GALNT2: variants seen among roughly 807,000 people sequenced by gnomAD.
GALNT2 encodes polypeptide N-acetylgalactosaminyltransferase 2.
GALNT2 carries 31 observed loss-of-function variants against 81.4 expected under a neutral mutation model. The observed-to-expected ratio is 0.38, with a 90% CI of 0.29 to 0.51. The LOEUF (loss-of-function observed/expected upper bound fraction) is 0.51. Among genes scored for constraint, GALNT2 ranks in the 20% least tolerant of loss-of-function variants. GALNT2 has a pLI of 0.87. For synonymous variants in GALNT2, 303 were observed against 287.4 expected, an observed-to-expected ratio of 1.05 and a Z score of -0.55; for missense variants, 629 against 765.7, an observed-to-expected ratio of 0.82 and a Z score of 2.11.
intron 1 of GALNT2, among the ~76,000 whole-genome samples, chr1:230,074,686 G>T (rs549208656): frequency 2.2e-4 from 33 of 152,210 alleles, no homozygotes; most frequent in African/African-American, 7.7e-4. Flanking sequence ...CTGTGGGGAG[G>T]GCTAATATAT....
rs545603618 is a variant in GALNT2 at position 230,167,201 on chromosome 1, G to A, written c.127-11017G>A. Among the ~76,000 whole-genome samples the A allele has an allele frequency of 3.8e-4, 57 of 151,936 alleles. 1 individual carries two copies. Among genetic ancestry groups the A allele is most frequent in the Admixed American group, 2.6e-3 (39 of 15,268 alleles). The stretch of plus-strand genomic sequence containing the variant: ...TACTCTGTTGCCCAGGCTGGAGTGC[G>A]ATGATGCGATCCTGGCTCACTGCAG... On this transcript the variant is annotated intron_variant, in intron 1 of 15. Transcript: ENST00000366672.
intron 3 of GALNT2, among the ~76,000 whole-genome samples, chr1:230,214,143 G>C (rs1200874668): frequency 6.8e-6 from 1 of 147,490 alleles, no homozygotes; most frequent in African/African-American, 2.6e-5. Context: ...ACGGAGTCTC[G>C]CTCATGTTGC....
intron 10 of GALNT2, among the ~76,000 whole-genome samples, chr1:230,253,481 A>C (rs1665613532): frequency 6.6e-6 from 1 of 152,204 alleles, no homozygotes; most frequent in Non-Finnish European, 1.5e-5. Flanking sequence ...ATTTCTGATC[A>C]ATCTGCATTG....
Position 230,236,646 on chromosome 1 carries a change from T to G in GALNT2, c.542-14T>G. 10 of 1,607,390 alleles carry G rather than the reference T, an allele frequency of 6.2e-6. No individual in the cohort carries two copies. The highest frequency in any genetic ancestry group is 8.5e-6 in the Non-Finnish European group (10 of 1,178,306). On this transcript the variant is annotated splice_polypyrimidine_tract_variant and intron_variant, in intron 5 of 15. Coordinates refer to ENST00000366672, the MANE Select transcript of GALNT2 (RefSeq NM_004481.5). ...CTCCAGGTTCAAAATGCTCTGCTTC[T>G]TTTCTTTTCCTAGCTGAGGACGGGG...
chr1:230,098,159 G>A (rs1660303278), intron 1 of GALNT2, among the ~76,000 whole-genome samples: 1 of 152,144 alleles, frequency 6.6e-6, no homozygotes, highest in African/African-American at 2.4e-5. Context: ...GGGTTTATGA[G>A]GTTTGAAGAC....
intron 3 of GALNT2, among the ~76,000 whole-genome samples, chr1:230,208,813 C>T (rs949200866): frequency 6.6e-6 from 1 of 152,144 alleles, no homozygotes; most frequent in Non-Finnish European, 1.5e-5. Context: ...CAGTGGTTCT[C>T]AGCCTTGAGC....
At chr1:230,274,355 C>G (rs1572164556) in intron 14 of GALNT2, 90 bp from the exon 15 acceptor site, 3 of 1,518,316 alleles carry the variant, frequency 2.0e-6, no homozygotes, top group Non-Finnish European at 2.7e-6. Flanking sequence ...CCCCGTGACC[C>G]ATTTCCTTTT....
intron 2 of GALNT2, among the ~76,000 whole-genome samples, chr1:230,180,860 A>G (rs1390329390): frequency 6.6e-6 from 1 of 152,002 alleles, no homozygotes; most frequent in Non-Finnish European, 1.5e-5. Context: ...TCATTTTGGG[A>G]GTTTCTAATG....
intron 1 of GALNT2, among the ~76,000 whole-genome samples, chr1:230,165,490 A>G (rs1662574300): frequency 6.6e-6 from 1 of 152,244 alleles, no homozygotes; most frequent in Non-Finnish European, 1.5e-5. Flanking sequence ...AAATTTACAG[A>G]AGTGAGATTT....
intron 1 of GALNT2, among the ~76,000 whole-genome samples, 187 bp from the exon 2 acceptor site, chr1:230,178,031 C>T (rs1558125905): frequency 6.6e-6 from 1 of 152,176 alleles, no homozygotes; most frequent in African/African-American, 2.4e-5. Context: ...ATACTTTTCT[C>T]CCCTTGCATC....
chr1:230,139,798 A>G (rs144176096), intron 1 of GALNT2, among the ~76,000 whole-genome samples: 1 of 152,252 alleles, frequency 6.6e-6, no homozygotes, highest in Non-Finnish European at 1.5e-5. Context: ...GTTCCCACCT[A>G]TGAAGATTAC....
In GALNT2 at chr1:230,243,173, A is replaced by T. The variant is rs1195376084; in HGVS notation, c.608-133A>T. On this transcript the variant is annotated intron_variant, in intron 6 of 15. Transcript: ENST00000366672. The surrounding 1 kb of genome is among the most constrained non-coding windows in gnomAD (Gnocchi z 4.2). ...TGGAGCAGTTTTGATCTCATCCAGCAAGTTTACAGTAATGTCCGTGCCCAG... is the reference window on the plus strand; with the variant it reads ...TGGAGCAGTTTTGATCTCATCCAGCTAGTTTACAGTAATGTCCGTGCCCAG... 1 of 1,177,170 alleles carries T rather than the reference A, an allele frequency of 8.5e-7. No homozygotes were observed. Among genetic ancestry groups the T allele is most frequent in the African/African-American group, 1.6e-5 (1 of 64,074 alleles). 72.9% of individuals were successfully genotyped at this position (1,177,170 alleles called of 1,614,324 possible).
rs1039072337 is a variant in GALNT2 at position 230,275,486 on chromosome 1, CAT to C, written c.1560+926_1560+927del. ...TATATACAAACACCACATATATATA[CAT>C]ATACACACACACACCACAGATACAT... On this transcript the variant is annotated intron_variant, in intron 15 of 15. Coordinates refer to ENST00000366672, the MANE Select transcript of GALNT2 (RefSeq NM_004481.5). This position sits in a 1 kb window ranked among gnomAD's most constrained non-coding sequence, Gnocchi z 5.5. Among the ~76,000 whole-genome samples the C allele has an allele frequency of 1.2e-4, 18 of 150,980 alleles. No individual in the cohort carries two copies. The highest frequency in any genetic ancestry group is 3.4e-4 in the African/African-American group (14 of 41,112).
chr1:230,096,161 A>T (rs1433630365), intron 1 of GALNT2, among the ~76,000 whole-genome samples: 2 of 152,172 alleles, frequency 1.3e-5, no homozygotes, highest in African/African-American at 4.8e-5. Flanking sequence ...GAGAGGACGC[A>T]TACCTCAGCC....
In GALNT2 at chr1:230,164,825, T is replaced by C. The variant is rs576800189; in HGVS notation, c.127-13393T>C. Among the ~76,000 whole-genome samples, 32 of 152,280 alleles carry C rather than the reference T, an allele frequency of 2.1e-4. No individual in the cohort carries two copies. In the South Asian group the frequency reaches 6.2e-3, roughly 30 times the overall value. ...GATTACAGGTGTGAGCCAGCACGCCTGGCCTCTCAGCCCTCTTTCTAATTC... is the reference window on the plus strand; with the variant it reads ...GATTACAGGTGTGAGCCAGCACGCCCGGCCTCTCAGCCCTCTTTCTAATTC... On this transcript the variant is annotated intron_variant, in intron 1 of 15. Transcript: ENST00000366672.
intron 1 of GALNT2, among the ~76,000 whole-genome samples, chr1:230,126,686 A>C (rs1661193881): frequency 6.6e-6 from 1 of 152,186 alleles, no homozygotes; most frequent in South Asian, 2.1e-4. Context: ...ATCTATGGGA[A>C]ATGTCAATGT....
At chr1:230,185,376 T>A (rs1233092861) in intron 2 of GALNT2, among the ~76,000 whole-genome samples, 1 of 151,914 alleles carries the variant, frequency 6.6e-6, no homozygotes, top group Non-Finnish European at 1.5e-5. Flanking sequence ...GTGATGGACT[T>A]GGTGCACGGA....
intron 1 of GALNT2, among the ~76,000 whole-genome samples, chr1:230,125,957 C>T (rs1453227427): frequency 6.6e-6 from 1 of 152,220 alleles, no homozygotes; most frequent in Non-Finnish European, 1.5e-5. Context: ...GGTGGCTCCC[C>T]ACCCAGTGCT....
At chr1:230,093,795 G>A (rs1234519568) in intron 1 of GALNT2, among the ~76,000 whole-genome samples, 1 of 152,198 alleles carries the variant, frequency 6.6e-6, no homozygotes, top group Non-Finnish European at 1.5e-5. Flanking sequence ...GTAACAAGCA[G>A]TCCAGGTTTG....
Sources: allele counts gnomAD v4.1 joint callset (sites outside exome capture counted in the v4.1 genomes callset), GRCh38; gene constraint gnomAD v4.1.1; non-coding constraint Gnocchi (gnomAD v3.1); transcripts MANE v1.5; gene names NCBI Gene and HGNC (gene_info 2026-07-23, HGNC 2026-07-21).